Variants in FBXL19 observed in about 807,000 individuals in gnomAD.
FBXL19 encodes F-box/LRR-repeat protein 19.
In FBXL19, 16 loss-of-function variants were observed where a neutral mutation model predicts 71.2. The observed-to-expected ratio is 0.22, with a 90% CI of 0.15 to 0.34. The LOEUF (loss-of-function observed/expected upper bound fraction) is 0.34. Among genes scored for constraint, FBXL19 ranks in the 10% least tolerant of loss-of-function variants. The pLI, the probability that FBXL19 is intolerant of heterozygous loss-of-function variation, is 1.00. For synonymous variants in FBXL19, 447 were observed against 409.4 expected, an observed-to-expected ratio of 1.09 and a Z score of -1.11; for missense variants, 658 against 968.2, an observed-to-expected ratio of 0.68 and a Z score of 4.25.
At chr16:30,937,082 ATGT>A (rs1362856384) in intron 7 of FBXL19, among the ~76,000 whole-genome samples, 2 of 152,034 alleles carry the variant, frequency 1.3e-5, no homozygotes, top group East Asian at 1.9e-4. Context: ...GATGATGGTA[ATGT>A]TGACCTCCTA....
chr16:30,931,098 T>C (rs957191754), intron 7 of FBXL19, among the ~76,000 whole-genome samples: 5 of 152,218 alleles, frequency 3.3e-5, no homozygotes, highest in Admixed American at 6.5e-5. Context: ...ACCTCCTGAC[T>C]CGGTTCCTGC....
chr16:30,945,680 A>T (rs1208817669), intron 9 of FBXL19, among the ~76,000 whole-genome samples: 2 of 148,376 alleles, frequency 1.3e-5, no homozygotes, highest in Non-Finnish European at 3.0e-5. Flanking sequence ...AAAAAAAAAA[A>T]GTAAACTCTG....
At chr16:30,922,907 A>G, upstream of FBXL19, 1 of 386,492 alleles carries the variant, frequency 2.6e-6, no homozygotes, top group South Asian at 1.9e-5. Context: ...GGAGACCGGG[A>G]GAGGCTAGGT....
chr16:30,945,611 C>CGA (rs1355892255), intron 9 of FBXL19, among the ~76,000 whole-genome samples: 3 of 148,558 alleles, frequency 2.0e-5, no homozygotes, highest in Non-Finnish European at 4.4e-5. Flanking sequence ...TGCAGTGAGC[C>CGA]GAGATTGCAC....
rs972531229 is a variant in FBXL19, at chr16:30,924,183, T to TGG, written c.-295_-294dup. On this transcript the variant is annotated 5_prime_UTR_variant, in exon 1 of 11. Transcript: ENST00000338343. Reference sequence around the variant, plus strand: ...TGCGCCCAAGGAGCCCCCGTTGGCCTGGGGGGGCTGAGGGACTGAGCCTCC... The same window carrying TGG: ...TGCGCCCAAGGAGCCCCCGTTGGCCTGGGGGGGGGCTGAGGGACTGAGCCTCC... 6.6e-6 allele frequency: 1 copy of TGG among 151,714 alleles called. No homozygotes were observed. The highest frequency in any genetic ancestry group is 2.4e-5 in the African/African-American group (1 of 41,254). The allele number at this position is 151,714 out of a possible 1,614,324, so 9.4% of individuals were successfully genotyped here.
At position 30,927,795 on chromosome 16, in the gene FBXL19, C is replaced by T. The variant is rs1301339664; in HGVS notation, c.459C>T (p.Gly153=). 1 of 1,553,716 alleles carries T rather than the reference C, an allele frequency of 6.4e-7. No homozygotes were observed. Among genetic ancestry groups the T allele is most frequent in the Admixed American group, 2.0e-5 (1 of 51,226 alleles). The change falls in exon 5 of 11, where the codon GGC becomes GGT. Residue 153 remains glycine (G), a synonymous_variant. Transcript: ENST00000338343. Reference sequence around the variant, plus strand: ...GTAGGGCCGACAACGGCGAGGAGGGCGCCAGCTTGGGGAGCGGATGGAAGC... The same window carrying T: ...GTAGGGCCGACAACGGCGAGGAGGGTGCCAGCTTGGGGAGCGGATGGAAGC... The part of the protein sequence containing the change: ...GRRRADNGEE[G]ASLGSGWKLT...
Position 30,942,522 on chromosome 16 carries a change from C to T in FBXL19, c.1613C>T (p.Pro538Leu). The change falls in exon 9 of 11, where the codon CCA becomes CTA. Residue 538 changes from proline to leucine, a missense_variant. Transcript: ENST00000338343. This position sits in a 1 kb window ranked among gnomAD's most constrained non-coding sequence, Gnocchi z 5.7. ...CTCCGGGAGTTGCTGCTGCCTCCACCAGACACCAAACCAGGTGCAACCTCT... is the reference window on the plus strand; with the variant it reads ...CTCCGGGAGTTGCTGCTGCCTCCACTAGACACCAAACCAGGTGCAACCTCT... The part of the protein sequence containing the change: ...SQLRELLLPP[P>L]DTKPGQTESR... 1.3e-6 allele frequency: 2 copies of T among 1,590,900 alleles called. No individual in the cohort carries two copies. Among genetic ancestry groups the T allele is most frequent in the Non-Finnish European group, 1.7e-6 (2 of 1,168,708 alleles).
upstream of FBXL19, chr16:30,923,396 C>T (rs2055547617): frequency 2.7e-6 from 1 of 364,136 alleles, no homozygotes; most frequent in African/African-American, 2.1e-5. Context: ...TCCCCCGTAG[C>T]ATCAGTGGCC....
At position 30,930,339 on chromosome 16, in the gene FBXL19, T is replaced by A. The variant is rs373007429; in HGVS notation, c.1056T>A (p.Ala352=). Residue 352 remains alanine, a synonymous_variant, in exon 7 of 11, where the codon GCT becomes GCA. Transcript: ENST00000338343. This position sits in a 1 kb window ranked among gnomAD's most constrained non-coding sequence, Gnocchi z 8.5. The part of the protein sequence containing the change: ...GEKENRGGRR[A]VRPGSGGPLL... Reference sequence around the variant, plus strand: ...AGGAGAACCGTGGGGGGCGGCGGGCTGTGCGCCCTGGCAGTGGGGGGCCCC... The same window carrying A: ...AGGAGAACCGTGGGGGGCGGCGGGCAGTGCGCCCTGGCAGTGGGGGGCCCC... 6.3e-7 allele frequency: 1 copy of A among 1,592,066 alleles called. No individual in the cohort carries two copies. Among genetic ancestry groups the A allele is most frequent in the Non-Finnish European group, 8.5e-7 (1 of 1,170,514 alleles).
At chr16:30,937,645 G>A (rs1232909398) in intron 7 of FBXL19, among the ~76,000 whole-genome samples, 24 of 152,188 alleles carry the variant, frequency 1.6e-4, no homozygotes, top group Admixed American at 1.6e-3. Flanking sequence ...CTTCCTGGAA[G>A]AGGAGGCACT....
upstream of FBXL19, chr16:30,923,140 C>A (rs753147340): frequency 2.2e-6 from 1 of 456,680 alleles, no homozygotes; most frequent in African/African-American, 2.0e-5. Flanking sequence ...AGATGGACTG[C>A]GACTCCCGTC....
chr16:30,943,922 C>T (rs1366501635), intron 9 of FBXL19, among the ~76,000 whole-genome samples: 3 of 152,168 alleles, frequency 2.0e-5, no homozygotes, highest in Non-Finnish European at 4.4e-5. Context: ...AAGATTCTTC[C>T]CGTATTCTAG....
Position 30,946,832 on chromosome 16 carries a change from C to A in FBXL19, c.1730C>A (p.Pro577His). 6.2e-7 allele frequency: 1 copy of A among 1,612,602 alleles called. No individual in the cohort carries two copies. Among genetic ancestry groups the A allele is most frequent in the South Asian group, 1.1e-5 (1 of 90,902 alleles). ...CTGCGTCTCCTGCTGCGTCACGCACCCCAGCTGAGCGCCCTGGACCTGAGC... is the reference window on the plus strand; with the variant it reads ...CTGCGTCTCCTGCTGCGTCACGCACACCAGCTGAGCGCCCTGGACCTGAGC... ...ASLRLLLRHA[P>H]QLSALDLSHC... is the part of the protein sequence containing the mutation. Residue 577 changes from proline (P) to histidine (H), a missense_variant, in exon 10 of 11, where the codon CCC becomes CAC. Physicochemically the swap from Pro to His is moderately conservative, Grantham distance 77. Coordinates refer to ENST00000338343, the MANE Select transcript of FBXL19 (RefSeq NM_001382779.1). This position sits in a 1 kb window ranked among gnomAD's most constrained non-coding sequence, Gnocchi z 6.7.
chr16:30,924,224 C>G lies in FBXL19; in HGVS notation c.-260C>G, dbSNP rs1334027203. On this transcript the variant is annotated 5_prime_UTR_variant, in exon 1 of 11. Transcript: ENST00000338343. ...CTGAGCCTCCCAGAGCAGGACCTCC[C>G]CCTGGAAGGGCCGCGCCGCAGCCCG... 1 of 152,188 alleles carries G rather than the reference C, an allele frequency of 6.6e-6. No homozygotes were observed. The highest frequency in any genetic ancestry group is 1.9e-4 in the East Asian group (1 of 5,144). 9.4% of individuals were successfully genotyped at this position (152,188 alleles called of 1,614,324 possible). A position where few individuals can be genotyped will look rare whatever the true frequency, so the allele number is the denominator to read the frequency against.
intron 6 of FBXL19, among the ~76,000 whole-genome samples, chr16:30,929,589 C>A (rs1384503043): frequency 6.6e-6 from 1 of 152,172 alleles, no homozygotes; most frequent in East Asian, 1.9e-4. Flanking sequence ...GACAGAGTCT[C>A]GCTCTGTCGC....
At chr16:30,928,658 C>T (rs1381413538) in intron 6 of FBXL19, 30 bp downstream of exon 6, 7 of 1,491,120 alleles carry the variant, frequency 4.7e-6, no homozygotes, top group East Asian at 2.6e-5. Flanking sequence ...CCTCCCCTTC[C>T]CACCTTCCCT....
intron 7 of FBXL19, among the ~76,000 whole-genome samples, chr16:30,940,396 G>A (rs2055790009): frequency 6.6e-6 from 1 of 151,798 alleles, no homozygotes. Context: ...CCCCAGCCTG[G>A]GTGACTAAGC....
chr16:30,925,970 C>T lies in FBXL19; in HGVS notation c.177+39C>T. The T allele has an allele frequency of 6.9e-7, 1 of 1,448,344 alleles. No homozygotes were observed. Among genetic ancestry groups the T allele is most frequent in the Non-Finnish European group, 9.1e-7 (1 of 1,103,676 alleles). The allele number at this position is 1,448,344 out of a possible 1,614,324, so 89.7% of individuals were successfully genotyped here. ...CCACCTTTGGGCTCTGCCCACCCTT[C>T]CCAATACCTTCTTGGAATGGCTGGT... On this transcript the variant is annotated intron_variant, in intron 2 of 10. Transcript: ENST00000338343. This position sits in a 1 kb window ranked among gnomAD's most constrained non-coding sequence, Gnocchi z 5.0.
At chr16:30,924,902 T>A in intron 1 of FBXL19, 1 of 609,408 alleles carries the variant, frequency 1.6e-6, no homozygotes, top group Non-Finnish European at 2.6e-6. Flanking sequence ...AAGCTGGGGG[T>A]CCTAGGACTG....
Sources: gnomAD v4.1 joint callset for allele counts (sites outside exome capture counted in the v4.1 genomes callset) on GRCh38, gnomAD v4.1.1 for gene constraint, Gnocchi (gnomAD v3.1) non-coding constraint, MANE v1.5 for transcripts, NCBI Gene and HGNC (gene_info 2026-07-23, HGNC 2026-07-21) for gene names.